The following CD38 variants were observed in gnomAD, a reference collection of about 807,000 sequenced individuals.
The protein encoded by CD38 is CD38 molecule, also known as ADP-ribosyl cyclase/cyclic ADP-ribose hydrolase 1.
CD38 carries 31 observed loss-of-function variants against 36.3 expected under a neutral mutation model. The ratio of observed to expected loss-of-function variants is 0.85; its 90% CI spans 0.64 to 1.15. The LOEUF (loss-of-function observed/expected upper bound fraction) is 1.15. Ranked by LOEUF, CD38 falls within the 50% of genes most tolerant of loss-of-function variation. CD38 has a pLI of 0.00. For missense variants in CD38, 380 were observed against 371.9 expected (o/e 1.02, Z -0.18); for synonymous variants, 131 against 135.2 (o/e 0.97, Z 0.22).
intron 1 of CD38, among the ~76,000 whole-genome samples, chr4:15,805,223 A>G (rs1429295150): frequency 2.0e-5 from 3 of 152,206 alleles, no homozygotes; most frequent in Non-Finnish European, 4.4e-5. Flanking sequence ...ACTTTTAAAA[A>G]ACAAAGTTTT....
chr4:15,803,867 A>G (rs1006278314), intron 1 of CD38, among the ~76,000 whole-genome samples: 7 of 151,878 alleles, frequency 4.6e-5, no homozygotes, highest in Admixed American at 4.6e-4. Context: ...TGCGTACCCA[A>G]TGTTTAGCTC....
At position 15,851,757 on chromosome 4, in the gene CD38, G is replaced by A. The variant is rs1285931836; in HGVS notation, c.*3155G>A. 6.6e-6 allele frequency: 1 copy of A among 152,108 alleles called. No homozygotes were observed. The highest frequency in any genetic ancestry group is 1.9e-4 in the East Asian group (1 of 5,176). The allele number at this position is 152,108 out of a possible 1,614,324, so 9.4% of individuals were successfully genotyped here. A position where few individuals can be genotyped will look rare whatever the true frequency, so the allele number is the denominator to read the frequency against. ...TATGCCAACAGTGGGGATATGTTCT[G>A]AGAAATGCATCATTAGATGATTTTG... On this transcript the variant is annotated 3_prime_UTR_variant, in exon 8 of 8. Transcript: ENST00000226279.
At chr4:15,779,513 G>A (rs1560303502) in intron 1 of CD38, among the ~76,000 whole-genome samples, 1 of 152,104 alleles carries the variant, frequency 6.6e-6, no homozygotes, top group African/African-American at 2.4e-5. Context: ...GCAGGCAGGG[G>A]GAGCTGCTAC....
Position 15,815,672 on chromosome 4 carries a change from T to C in CD38, c.234-839T>C, listed in dbSNP as rs375378627. ...CTTAAGGAGGTTTTGGGCTGAGACGTTGGGGTTTTCTAAATATACAATCAT... is the reference window on the plus strand; with the variant it reads ...CTTAAGGAGGTTTTGGGCTGAGACGCTGGGGTTTTCTAAATATACAATCAT... On this transcript the variant is annotated intron_variant, in intron 1 of 7. Transcript: ENST00000226279. Among the ~76,000 whole-genome samples the C allele has an allele frequency of 5.3e-5, 8 of 152,134 alleles. No homozygotes were observed. The East Asian group carries it at 7.7e-4, about 15-fold the overall frequency.
At chr4:15,837,883 G>A (rs919848642) in intron 4 of CD38, among the ~76,000 whole-genome samples, 1 of 152,222 alleles carries the variant, frequency 6.6e-6, no homozygotes, top group Non-Finnish European at 1.5e-5. Context: ...TTCACTTAGA[G>A]ATTGGAGCAA....
At chr4:15,796,666 C>T (rs767062402) in intron 1 of CD38, among the ~76,000 whole-genome samples, 3 of 152,048 alleles carry the variant, frequency 2.0e-5, no homozygotes, top group Non-Finnish European at 4.4e-5. Flanking sequence ...GTCTCAGAGG[C>T]AAATACTGCT....
At chr4:15,809,091 A>G (rs1334184292) in intron 1 of CD38, among the ~76,000 whole-genome samples, 2 of 152,224 alleles carry the variant, frequency 1.3e-5, no homozygotes, top group Admixed American at 6.5e-5. Flanking sequence ...TGAGGATCCA[A>G]TGAGATGCCT....
intron 3 of CD38, among the ~76,000 whole-genome samples, chr4:15,830,153 T>C (rs1253352322): frequency 1.3e-5 from 2 of 152,208 alleles, no homozygotes; most frequent in African/African-American, 4.8e-5. Context: ...TTTTATTTTT[T>C]TGAGAAACCT....
At chr4:15,780,530 A>G (rs7667311) in intron 1 of CD38, among the ~76,000 whole-genome samples, 4,118 of 36,834 alleles carry the variant, frequency 0.11, 132 homozygotes, top group African/African-American at 0.27. Context: ...ACACACACAC[A>G]CACACACACA....
chr4:15,815,082 G>A (rs1723561972), intron 1 of CD38, among the ~76,000 whole-genome samples: 1 of 152,100 alleles, frequency 6.6e-6, no homozygotes, highest in South Asian at 2.1e-4. Flanking sequence ...TGGGATTACA[G>A]GCGTGAGCCA....
chr4:15,818,121 C>T (rs954753985), intron 2 of CD38, among the ~76,000 whole-genome samples: 6 of 142,682 alleles, frequency 4.2e-5, no homozygotes, highest in African/African-American at 1.6e-4. Flanking sequence ...TTCTTGCTGC[C>T]AGCACAGCAG....
chr4:15,838,421 G>A (rs753743704), intron 5 of CD38, among the ~76,000 whole-genome samples: 22 of 151,932 alleles, frequency 1.4e-4, no homozygotes, highest in Non-Finnish European at 2.6e-4. Context: ...CTTAACTTTT[G>A]CAGGCCTGGT....
Position 15,829,161 on chromosome 4 carries a change from A to AT in CD38, c.499+4153dup, listed in dbSNP as rs539257239. Among the ~76,000 whole-genome samples the AT allele has an allele frequency of 1.3e-4, 19 of 149,502 alleles. 1 individual carries two copies. The South Asian group carries it at 3.4e-3, about 26-fold the overall frequency. ...AGGTCCTTTGCCCACCTTTAAATTG[A>AT]TTTTTTTTCTTGTTTTTGAGTTGTT... On this transcript the variant is annotated intron_variant, in intron 3 of 7. Transcript: ENST00000226279.
intron 1 of CD38, among the ~76,000 whole-genome samples, chr4:15,793,474 T>C (rs1358562512): frequency 6.6e-6 from 1 of 152,180 alleles, no homozygotes; most frequent in Non-Finnish European, 1.5e-5. Context: ...TATATAATTG[T>C]TTTATATATA....
intron 4 of CD38, 93 bp downstream of exon 4, chr4:15,834,395 CAAAT>C: frequency 1.3e-6 from 1 of 775,302 alleles, no homozygotes; most frequent in Admixed American, 2.1e-5. Flanking sequence ...TTTTGGATTA[CAAAT>C]ACTTTTAGGA....
Position 15,778,603 on chromosome 4 carries a change from C to T in CD38, c.189C>T (p.Val63=). ...CCACCAAGCGCTTTCCCGAGACCGT[C>T]CTGGCGCGATGCGTCAAGTACACTG... ...PGTTKRFPET[V]LARCVKYTEI... Residue 63 remains valine, a synonymous_variant, in exon 1 of 8, where the codon GTC becomes GTT. Coordinates refer to ENST00000226279, the MANE Select transcript of CD38 (RefSeq NM_001775.4). The surrounding 1 kb of genome is among the most constrained non-coding windows in gnomAD (Gnocchi z 4.9). The T allele has an allele frequency of 6.2e-7, 1 of 1,613,760 alleles. No homozygotes were observed. Among genetic ancestry groups the T allele is most frequent in the Non-Finnish European group, 8.5e-7 (1 of 1,179,968 alleles).
intron 3 of CD38, among the ~76,000 whole-genome samples, chr4:15,826,303 C>T (rs969408553): frequency 1.3e-5 from 2 of 152,092 alleles, no homozygotes; most frequent in Admixed American, 1.3e-4. Flanking sequence ...TGTACACGCG[C>T]TGTTGTGCAA....
intron 1 of CD38, among the ~76,000 whole-genome samples, chr4:15,787,892 A>G (rs1722876997): frequency 6.6e-6 from 1 of 152,228 alleles, no homozygotes; most frequent in Admixed American, 6.5e-5. Context: ...TCCGCCGTGC[A>G]GGGAGCAGTC....
At chr4:15,838,478 G>A (rs552892307) in intron 5 of CD38, among the ~76,000 whole-genome samples, 5 of 152,110 alleles carry the variant, frequency 3.3e-5, no homozygotes, top group South Asian at 2.1e-4. Context: ...CCTACCCATT[G>A]CTCACCATTG....
Sources: allele counts gnomAD v4.1 joint callset (sites outside exome capture counted in the v4.1 genomes callset), GRCh38; gene constraint gnomAD v4.1.1; non-coding constraint Gnocchi (gnomAD v3.1); transcripts MANE v1.5; gene names NCBI Gene and HGNC (gene_info 2026-07-23, HGNC 2026-07-21).